CASZ1: variants seen among roughly 807,000 people sequenced by gnomAD.
CASZ1 encodes the protein zinc finger protein castor homolog 1.
CASZ1 carries 28 observed loss-of-function variants against 135.2 expected under a neutral mutation model. The observed-to-expected ratio is 0.21, with a 90% CI of 0.15 to 0.28. The LOEUF is 0.28. Ranked by LOEUF, CASZ1 falls within the 10% of genes least tolerant of loss-of-function variation. The pLI is 1.00. For missense variants in CASZ1, 2,161 were observed against 2,453.3 expected, an observed-to-expected ratio of 0.88 and a Z score of 2.52; for synonymous variants, 1,068 against 1,073.4, an observed-to-expected ratio of 0.99 and a Z score of 0.10.
chr1:10,711,794 G>A lies in CASZ1; in HGVS notation c.-76-6250C>T, dbSNP rs1233430962. Among the ~76,000 whole-genome samples the A allele has an allele frequency of 6.6e-6, 1 of 152,072 alleles. No individual in the cohort carries two copies. Among genetic ancestry groups the A allele is most frequent in the Non-Finnish European group, 1.5e-5 (1 of 68,014 alleles). ...TATGGGCTACAATGTGGATAGACCT[G>A]GAAATGTTGAACGAGAAAGGAGCCA... On this transcript the variant is annotated intron_variant, in intron 2 of 20. Coordinates refer to ENST00000377022, the MANE Select transcript of CASZ1 (RefSeq NM_001079843.3). The surrounding 1 kb of genome is among the most constrained non-coding windows in gnomAD (Gnocchi z 4.4).
intron 1 of CASZ1, among the ~76,000 whole-genome samples, chr1:10,769,002 G>A (rs1640527372): frequency 6.6e-6 from 1 of 152,208 alleles, no homozygotes; most frequent in African/African-American, 2.4e-5. Flanking sequence ...TTAGCCGGGT[G>A]TGGTGGCGGC....
rs2100573305 is a variant in CASZ1, at chr1:10,759,834, A to G, written c.-77+867T>C. 6.6e-6 allele frequency among the ~76,000 whole-genome samples: 1 copy of G among 152,220 alleles called. No individual in the cohort carries two copies. Among genetic ancestry groups the G allele is most frequent in the South Asian group, 2.1e-4 (1 of 4,824 alleles). On this transcript the variant is annotated intron_variant, in intron 2 of 20. Transcript: ENST00000377022. This position sits in a 1 kb window ranked among gnomAD's most constrained non-coding sequence, Gnocchi z 4.2. ...CAGCCCCCGGCCCTGCCCTCCCCAG[A>G]CATCCTCTAGGCCCTCAGCCTCTGC...
chr1:10,785,400 C>T (rs1376339314), intron 1 of CASZ1, among the ~76,000 whole-genome samples: 1 of 152,118 alleles, frequency 6.6e-6, no homozygotes, highest in Non-Finnish European at 1.5e-5. Flanking sequence ...AATTAACCTG[C>T]TCCCAGATCT....
chr1:10,787,119 A>G (rs1486951037), intron 1 of CASZ1, among the ~76,000 whole-genome samples: 1 of 152,208 alleles, frequency 6.6e-6, no homozygotes, highest in Non-Finnish European at 1.5e-5. Context: ...CCATCAGGAC[A>G]CCCTTCCGAG....
At chr1:10,695,514 G>A (rs1638909824) in intron 3 of CASZ1, among the ~76,000 whole-genome samples, 1 of 146,296 alleles carries the variant, frequency 6.8e-6, no homozygotes, top group Non-Finnish European at 1.5e-5. Context: ...AGGGCGCTCA[G>A]TAGAGCACAG....
At chr1:10,688,850 G>A (rs969199798) in intron 4 of CASZ1, among the ~76,000 whole-genome samples, 1 of 151,882 alleles carries the variant, frequency 6.6e-6, no homozygotes, top group African/African-American at 2.4e-5. Context: ...GGGGCTGCCC[G>A]CCCTCCTCCT....
At position 10,767,117 on chromosome 1, in the gene CASZ1, G is replaced by A. The variant is rs1640491003; in HGVS notation, c.-233-6260C>T. Reference sequence around the variant, plus strand: ...GCTGATGGAAGGAACGAGGAGTGGGGAAAAGATGGGGCCCGGTCGTCCGCA... The same window carrying A: ...GCTGATGGAAGGAACGAGGAGTGGGAAAAAGATGGGGCCCGGTCGTCCGCA... On this transcript the variant is annotated intron_variant, in intron 1 of 20. Transcript: ENST00000377022. This position sits in a 1 kb window ranked among gnomAD's most constrained non-coding sequence, Gnocchi z 4.2. 1.3e-5 allele frequency among the ~76,000 whole-genome samples: 2 copies of A among 152,194 alleles called. No individual in the cohort carries two copies. The highest frequency in any genetic ancestry group is 1.5e-5 in the Non-Finnish European group (1 of 68,026).
intron 11 of CASZ1, chr1:10,652,668 C>G (rs1255759466): frequency 6.6e-6 from 1 of 152,218 alleles, no homozygotes; most frequent in Non-Finnish European, 1.5e-5. Flanking sequence ...CTCAGTGAAC[C>G]AGCGTGAAGA....
At chr1:10,696,826 C>A (rs1353851264) in intron 3 of CASZ1, among the ~76,000 whole-genome samples, 2 of 152,228 alleles carry the variant, frequency 1.3e-5, no homozygotes, top group Non-Finnish European at 2.9e-5. Flanking sequence ...CAGAGCCTGA[C>A]CCATGAGGAA....
rs1222143954 is a variant in CASZ1, at chr1:10,639,337, G to T, written c.4885C>A (p.Leu1629Met). ...SLSLGAEPGS[L>M]LFLQSAAAGL... ...GCGGCCGCCGACTGCAGGAAGAGCA[G>T]CGAGCCCGGCTCGGCGCCCAGCGAC... Residue 1629 changes from leucine (L) to methionine (M), a missense_variant, in exon 21 of 21, where the codon CTG (leucine) becomes ATG (methionine). By Grantham distance (15) the Leu-to-Met change is conservative (BLOSUM62 2). Around this residue, in one of 7 missense-constraint regions of CASZ1, gnomAD observed 240 missense variants for 321.4 expected, o/e 0.75. Coordinates refer to ENST00000377022, the MANE Select transcript of CASZ1 (RefSeq NM_001079843.3). This position sits in a 1 kb window ranked among gnomAD's most constrained non-coding sequence, Gnocchi z 4.0. 6.7e-7 allele frequency: 1 copy of T among 1,496,722 alleles called. No homozygotes were observed. The highest frequency in any genetic ancestry group is 8.9e-7 in the Non-Finnish European group (1 of 1,129,780). The allele number at this position is 1,496,722 out of a possible 1,614,324, so 92.7% of individuals were successfully genotyped here. A position where few individuals can be genotyped will look rare whatever the true frequency, so the allele number is the denominator to read the frequency against.
chr1:10,662,598 ACACACT>A (rs1643085400), intron 5 of CASZ1, among the ~76,000 whole-genome samples: 1 of 144,386 alleles, frequency 6.9e-6, no homozygotes, highest in African/African-American at 2.6e-5. Flanking sequence ...ACACAATCAC[ACACACT>A]CTCACATACA....
chr1:10,656,006 G>A (rs1642777842), intron 8 of CASZ1, among the ~76,000 whole-genome samples, 193 bp from the exon 9 acceptor site: 1 of 152,214 alleles, frequency 6.6e-6, no homozygotes, highest in Non-Finnish European at 1.5e-5. Context: ...CATCCCAAAG[G>A]TTCTAGGACC....
rs1213845788 is a variant in CASZ1, at chr1:10,767,390, G to GC, written c.-233-6534dup. Reference sequence around the variant, plus strand: ...GGACGGGTCCTATTTCCAGGTCACAGCCCTGTAAACAACCTGATTTTCCGC... The same window carrying GC: ...GGACGGGTCCTATTTCCAGGTCACAGCCCCTGTAAACAACCTGATTTTCCGC... On this transcript the variant is annotated intron_variant, in intron 1 of 20. Transcript: ENST00000377022. This position sits in a 1 kb window ranked among gnomAD's most constrained non-coding sequence, Gnocchi z 4.2. Among the ~76,000 whole-genome samples, 1 of 152,214 alleles carries GC rather than the reference G, an allele frequency of 6.6e-6. No individual in the cohort carries two copies. Among genetic ancestry groups the GC allele is most frequent in the Non-Finnish European group, 1.5e-5 (1 of 68,040 alleles).
chr1:10,678,786 C>G (rs1269198746), intron 4 of CASZ1, among the ~76,000 whole-genome samples: 1 of 151,994 alleles, frequency 6.6e-6, no homozygotes, highest in Non-Finnish European at 1.5e-5. Flanking sequence ...GACGCTATAT[C>G]GCTATCCAAT....
At chr1:10,672,276 C>T (rs971289078) in intron 4 of CASZ1, among the ~76,000 whole-genome samples, 5 of 150,364 alleles carry the variant, frequency 3.3e-5, no homozygotes, top group Admixed American at 6.6e-5. Flanking sequence ...GCCGCCCGGC[C>T]GCCCAGCCTC....
rs569221773 is a variant in CASZ1, at chr1:10,739,615, C to A, written c.-77+21086G>T. Among the ~76,000 whole-genome samples the A allele has an allele frequency of 9.1e-4, 138 of 152,290 alleles. No homozygotes were observed. The highest frequency in any genetic ancestry group is 3.2e-3 in the African/African-American group (132 of 41,564). ...AAAGAGCCTTCAGGGGCCTTCTTGT[C>A]GTTGATCAAAACAACAGGGCCACCA... is the stretch of plus-strand genomic sequence containing the variant. On this transcript the variant is annotated intron_variant, in intron 2 of 20. Coordinates refer to ENST00000377022, the MANE Select transcript of CASZ1 (RefSeq NM_001079843.3). The surrounding 1 kb of genome is among the most constrained non-coding windows in gnomAD (Gnocchi z 4.8).
chr1:10,693,144 C>T lies in CASZ1; in HGVS notation c.16+730G>A, dbSNP rs186780255. On this transcript the variant is annotated intron_variant, in intron 4 of 20. Coordinates refer to ENST00000377022, the MANE Select transcript of CASZ1 (RefSeq NM_001079843.3). ...CCCGGCCTTGTCCCACAGGAGGCCCCCAAACCCAGATGCCTACGTTGAGTA... is the reference window on the plus strand; with the variant it reads ...CCCGGCCTTGTCCCACAGGAGGCCCTCAAACCCAGATGCCTACGTTGAGTA... Among the ~76,000 whole-genome samples, 870 of 152,236 alleles carry T rather than the reference C, an allele frequency of 5.7e-3. 4 individuals carry two copies. Among genetic ancestry groups the T allele is most frequent in the Middle Eastern group, 0.041 (12 of 294 alleles).
Position 10,647,741 on chromosome 1 carries a change from T to G in CASZ1, c.3497+60A>C. 1 of 1,606,144 alleles carries G rather than the reference T, an allele frequency of 6.2e-7. No individual in the cohort carries two copies. On this transcript the variant is annotated intron_variant, in intron 16 of 20. Transcript: ENST00000377022. The surrounding 1 kb of genome is among the most constrained non-coding windows in gnomAD (Gnocchi z 4.9). ...GAACAGGGCCTCCTAGCGCCCTTGCTAGCACCTACTCCCGAGACGCGAGGG... is the reference window on the plus strand; with the variant it reads ...GAACAGGGCCTCCTAGCGCCCTTGCGAGCACCTACTCCCGAGACGCGAGGG...
In CASZ1 at chr1:10,667,288, C is replaced by T. The variant is rs145312213; in HGVS notation, c.17-1717G>A. Among the ~76,000 whole-genome samples the T allele has an allele frequency of 9.0e-3, 1,373 of 152,320 alleles. 14 individuals are homozygous for T. Among genetic ancestry groups the T allele is most frequent in the Middle Eastern group, 0.027 (8 of 294 alleles). On this transcript the variant is annotated intron_variant, in intron 4 of 20. Coordinates refer to ENST00000377022, the MANE Select transcript of CASZ1 (RefSeq NM_001079843.3). The stretch of plus-strand genomic sequence containing the variant: ...TGGCCAGTACGGATGGCTCACTTGG[C>T]CCAGACGAGACAGGGTGACTCTAGC...
Sources: allele counts gnomAD v4.1 joint callset (sites outside exome capture counted in the v4.1 genomes callset), GRCh38; gene constraint gnomAD v4.1.1; regional missense constraint gnomAD v4.1.1; non-coding constraint Gnocchi (gnomAD v3.1); transcripts MANE v1.5; gene names NCBI Gene and HGNC (gene_info 2026-07-23, HGNC 2026-07-21).